The following MECOM variants were observed in gnomAD, a reference collection of about 807,000 sequenced individuals.
The protein encoded by MECOM is MDS1 and EVI1 complex locus.
A neutral mutation model predicts 116.3 loss-of-function variants in MECOM; 13 were observed. The ratio of observed to expected loss-of-function variants is 0.11; its 90% confidence interval spans 0.07 to 0.18. MECOM has a LOEUF of 0.18. MECOM is among the 10% of genes least tolerant of loss of function. The pLI, the probability that MECOM is intolerant of heterozygous loss-of-function variation, is 1.00. For synonymous variants in MECOM, 528 were observed against 535.2 expected (o/e 0.99, Z 0.19); for missense variants, 1,299 against 1,509.0 (o/e 0.86, Z 2.31).
At chr3:169,345,581 A>T (rs1229077004) in intron 2 of MECOM, among the ~76,000 whole-genome samples, 1 of 152,144 alleles carries the variant, frequency 6.6e-6, no homozygotes, top group Non-Finnish European at 1.5e-5. Flanking sequence ...AAAACTTAGC[A>T]GCACCCCTGA....
intron 1 of MECOM, among the ~76,000 whole-genome samples, chr3:169,598,062 A>G (rs1349456723): frequency 6.6e-6 from 1 of 152,208 alleles, no homozygotes; most frequent in Admixed American, 6.5e-5. Flanking sequence ...AAAAACACCC[A>G]GTATATCAAC....
intron 2 of MECOM, among the ~76,000 whole-genome samples, chr3:169,150,660 T>A (rs962859090): frequency 1.3e-5 from 2 of 152,206 alleles, no homozygotes; most frequent in African/African-American, 4.8e-5. Context: ...GAATGATTCA[T>A]CAGTGATGTT....
chr3:169,384,821 G>A (rs1317235705), intron 1 of MECOM, among the ~76,000 whole-genome samples: 2 of 152,096 alleles, frequency 1.3e-5, no homozygotes, highest in African/African-American at 4.8e-5. Flanking sequence ...AAAGGATAGA[G>A]GCCGGGTGTG....
chr3:169,619,030 A>G (rs1770365542), intron 1 of MECOM, among the ~76,000 whole-genome samples: 1 of 152,048 alleles, frequency 6.6e-6, no homozygotes, highest in Non-Finnish European at 1.5e-5. Context: ...AAAAAAAAAA[A>G]GTCCACTCTT....
At chr3:169,548,661 C>T (rs1386702035) in intron 1 of MECOM, among the ~76,000 whole-genome samples, 1 of 152,168 alleles carries the variant, frequency 6.6e-6, no homozygotes, top group Admixed American at 6.5e-5. Flanking sequence ...TCTGCATCCC[C>T]TTTGAATGCA....
At chr3:169,366,029 C>A (rs1729102064) in intron 2 of MECOM, among the ~76,000 whole-genome samples, 1 of 152,006 alleles carries the variant, frequency 6.6e-6, no homozygotes, top group Non-Finnish European at 1.5e-5. Context: ...CTCTACACTG[C>A]TGACTTAGAC....
At chr3:169,342,114 T>C (rs898505593) in intron 2 of MECOM, among the ~76,000 whole-genome samples, 9 of 152,178 alleles carry the variant, frequency 5.9e-5, no homozygotes, top group African/African-American at 2.2e-4. Context: ...TTTTAAATTA[T>C]CTTAGTTATA....
chr3:169,646,737 G>C lies in MECOM; in HGVS notation c.37+16599C>G, dbSNP rs144020579. ...GGCATATTTACTGTCACAATACATT[G>C]TTTAGGAAATGAAAATCTGAATCTA... On this transcript the variant is annotated intron_variant, in intron 1 of 16. Coordinates refer to ENST00000651503, the MANE Select transcript of MECOM (RefSeq NM_004991.4). 3.4e-4 allele frequency among the ~76,000 whole-genome samples: 52 copies of C among 152,168 alleles called. 1 individual carries two copies. Among genetic ancestry groups the C allele is most frequent in the African/African-American group, 1.1e-3 (46 of 41,532 alleles).
chr3:169,261,336 A>G (rs1757508627), intron 2 of MECOM, among the ~76,000 whole-genome samples: 1 of 152,176 alleles, frequency 6.6e-6, no homozygotes, highest in Non-Finnish European at 1.5e-5. Context: ...CAAATGATTC[A>G]TGTGAGATGT....
intron 1 of MECOM, among the ~76,000 whole-genome samples, chr3:169,591,267 T>C (rs1475134684): frequency 6.6e-6 from 1 of 152,196 alleles, no homozygotes; most frequent in Non-Finnish European, 1.5e-5. Context: ...CATGTAATTA[T>C]ACTTAAATCA....
chr3:169,239,441 T>C (rs1025502580), intron 2 of MECOM, among the ~76,000 whole-genome samples: 1 of 151,946 alleles, frequency 6.6e-6, no homozygotes, highest in African/African-American at 2.4e-5. Flanking sequence ...CAATATAATA[T>C]ATTAAGAATA....
intron 2 of MECOM, chr3:169,147,311 G>A: frequency 1.0e-6 from 1 of 985,548 alleles, no homozygotes; most frequent in Non-Finnish European, 1.2e-6. Context: ...CGCCTTCGCG[G>A]GTCCTGGACC....
intron 1 of MECOM, among the ~76,000 whole-genome samples, chr3:169,555,407 A>G (rs1169456597): frequency 6.6e-6 from 1 of 152,214 alleles, no homozygotes; most frequent in Non-Finnish European, 1.5e-5. Context: ...GGAAATGGCC[A>G]GCCCCCCGCC....
chr3:169,639,863 A>G (rs1461168834), intron 1 of MECOM, among the ~76,000 whole-genome samples: 2 of 152,346 alleles, frequency 1.3e-5, no homozygotes, highest in South Asian at 2.1e-4. Flanking sequence ...ATGCTTCCAT[A>G]ATAACTAACT....
chr3:169,433,663 AAGAAAGAAAGAAAGAAAGAAAGAAAGAG>A (rs1742094225), intron 1 of MECOM, among the ~76,000 whole-genome samples: 1 of 139,140 alleles, frequency 7.2e-6, no homozygotes, highest in Admixed American at 9.4e-5. Context: ...GAAAGAAAGA[AAGAAAGAAAGAAAGAAAGAAAGAAAGAG>A]AAAGAAAGAA....
intron 1 of MECOM, among the ~76,000 whole-genome samples, chr3:169,462,534 T>C (rs1050758764): frequency 1.3e-5 from 2 of 152,152 alleles, no homozygotes; most frequent in Non-Finnish European, 2.9e-5. Flanking sequence ...GTCCCATATG[T>C]GTTTCTTGAA....
chr3:169,100,426 G>A (rs9857072), intron 12 of MECOM, among the ~76,000 whole-genome samples: 6,265 of 151,770 alleles, frequency 0.041, 432 homozygotes, highest in African/African-American at 0.14. Context: ...ACCTCCTATT[G>A]GAATCCATGG....
chr3:169,102,312 G>A, intron 10 of MECOM, 86 bp from the exon 11 acceptor site: 1 of 1,304,258 alleles, frequency 7.7e-7, no homozygotes, highest in Non-Finnish European at 1.0e-6. Context: ...ATCATTAAAA[G>A]GGAAGCATGA....
intron 1 of MECOM, among the ~76,000 whole-genome samples, chr3:169,646,907 T>C (rs1774264861): frequency 6.6e-6 from 1 of 152,024 alleles, no homozygotes; most frequent in African/African-American, 2.4e-5. Context: ...TAATAGAAAA[T>C]CACAATGCAG....
Sources: allele counts gnomAD v4.1 joint callset (sites outside exome capture counted in the v4.1 genomes callset), GRCh38; gene constraint gnomAD v4.1.1; transcripts MANE v1.5; gene names NCBI Gene and HGNC (gene_info 2026-07-23, HGNC 2026-07-21).